Variants in PCDHA9 observed in about 807,000 individuals in gnomAD.
PCDHA9 encodes protocadherin alpha 9.
Under a neutral mutation model 62.0 loss-of-function variants are expected in PCDHA9, and 62 were observed. The observed-to-expected ratio is 1.00, with a 90% CI of 0.81 to 1.23. PCDHA9 has a LOEUF of 1.23. Among genes scored for constraint, PCDHA9 ranks in the 50% most tolerant of loss-of-function variants. PCDHA9 has a pLI of 0.00. For missense variants in PCDHA9, 1,205 were observed against 1,249.8 expected, an observed-to-expected ratio of 0.96 and a Z score of 0.54; for synonymous variants, 557 against 567.6, an observed-to-expected ratio of 0.98 and a Z score of 0.27.
chr5:140,993,266 T>G (rs1049781348), intron 3 of PCDHA9, among the ~76,000 whole-genome samples: 1 of 152,182 alleles, frequency 6.6e-6, no homozygotes, highest in Non-Finnish European at 1.5e-5. Flanking sequence ...AATTAGCTTC[T>G]TTGGTCTTTT....
chr5:140,870,581 T>C, intron 1 of PCDHA9: 1 of 1,613,826 alleles, frequency 6.2e-7, no homozygotes, highest in Non-Finnish European at 8.5e-7. Context: ...TCCTACTCGC[T>C]GGTGGAGCGG....
intron 1 of PCDHA9, chr5:140,883,308 C>A: frequency 6.2e-7 from 1 of 1,614,102 alleles, no homozygotes; most frequent in Non-Finnish European, 8.5e-7. Context: ...AATGATAACG[C>A]CCCAGAGGTT....
intron 2 of PCDHA9, among the ~76,000 whole-genome samples, chr5:140,981,681 C>T (rs1187108666): frequency 6.6e-6 from 1 of 152,064 alleles, no homozygotes; most frequent in Non-Finnish European, 1.5e-5. Context: ...TTCCTTCCTC[C>T]CTTCCATCAT....
At chr5:140,856,393 T>A in intron 1 of PCDHA9, 1 of 1,598,412 alleles carries the variant, frequency 6.3e-7, no homozygotes, top group African/African-American at 1.3e-5. Flanking sequence ...CGCTGCAGGT[T>A]TTCCATGTGG....
Position 140,849,731 on chromosome 5 carries a change from T to C in PCDHA9, c.1236T>C (p.Ala412=), listed in dbSNP as rs2150447251. 21,072 of 1,598,236 alleles carry C rather than the reference T, an allele frequency of 0.013. 2,656 individuals are homozygous for C. In the African/African-American group the frequency reaches 0.2, roughly 15 times the overall value. ...ACTACTCGTTGGTGCTGGACAGAGC[T>C]CTGGACCGCGAGAGTGTGTCCGCCT... is the stretch of plus-strand genomic sequence containing the variant. ...KNYYSLVLDR[A]LDRESVSAYE... is the part of the protein sequence containing the mutation. The change falls in exon 1 of 4, where the codon GCT becomes GCC. Residue 412 remains alanine (A), a synonymous_variant. Transcript: ENST00000532602.
At chr5:141,005,192 TTTCA>T (rs1554259924) in intron 3 of PCDHA9, among the ~76,000 whole-genome samples, 1 of 152,220 alleles carries the variant, frequency 6.6e-6, no homozygotes, top group African/African-American at 2.4e-5. Context: ...ACATCAGTCC[TTTCA>T]TTCATTCATC....
Position 140,850,119 on chromosome 5 carries a change from G to T in PCDHA9, c.1624G>T (p.Val542Leu), listed in dbSNP as rs2150468632. The change falls in exon 1 of 4, where the codon GTG becomes TTG. Residue 542 changes from valine (V) to leucine (L), a missense_variant. Around this residue, in one of 3 missense-constraint regions of PCDHA9, gnomAD observed 887 missense variants for 809.5 expected, o/e 1.10. Coordinates refer to ENST00000532602, the MANE Select transcript of PCDHA9 (RefSeq NM_031857.2). ...QFQVSARDAGVPPLGSNVTLQ... is the reference protein window; with the variant it reads ...QFQVSARDAGLPPLGSNVTLQ... ...CCAGGTGAGCGCGCGCGACGCGGGC[G>T]TGCCGCCTCTGGGCAGCAACGTGAC... is the stretch of plus-strand genomic sequence containing the variant. The T allele has an allele frequency of 1.1e-5, 17 of 1,596,076 alleles. No homozygotes were observed. The Admixed American group carries it at 1.9e-4, about 17-fold the overall frequency.
chr5:140,877,195 G>A, intron 1 of PCDHA9: 2 of 1,613,838 alleles, frequency 1.2e-6, no homozygotes, highest in East Asian at 2.2e-5. Context: ...CAGCGCAGGA[G>A]GCGCAGTTAG....
At chr5:140,965,716 C>T (rs75761543) in intron 1 of PCDHA9, among the ~76,000 whole-genome samples, 2,507 of 152,272 alleles carry the variant, frequency 0.016, 70 homozygotes, top group African/African-American at 0.056. Flanking sequence ...AGAAGAATCT[C>T]TTTAAAAATT....
intron 1 of PCDHA9, among the ~76,000 whole-genome samples, chr5:140,895,800 T>C (rs1352398048): frequency 6.6e-6 from 1 of 152,182 alleles, no homozygotes; most frequent in Non-Finnish European, 1.5e-5. Context: ...ATATGTACAA[T>C]ACTGTATTGT....
chr5:140,894,197 A>C (rs1378272032), intron 1 of PCDHA9, among the ~76,000 whole-genome samples: 1 of 152,008 alleles, frequency 6.6e-6, no homozygotes, highest in Non-Finnish European at 1.5e-5. Context: ...TATTTTTTCT[A>C]TGCTATTATA....
rs1197189729 is a variant in PCDHA9, at chr5:141,011,926, G to A, written c.*1989G>A. On this transcript the variant is annotated 3_prime_UTR_variant, in exon 4 of 4. Transcript: ENST00000532602. ...TTAGGCATTAATATAAAAGAGGTAG[G>A]AGTCTGTTATTTAAAAAAAGCATTA... 1 of 153,498 alleles carries A rather than the reference G, an allele frequency of 6.5e-6. No individual in the cohort carries two copies. Among genetic ancestry groups the A allele is most frequent in the African/African-American group, 2.4e-5 (1 of 41,380 alleles). 9.5% of individuals were successfully genotyped at this position (153,498 alleles called of 1,614,324 possible).
rs2041332150 is a variant in PCDHA9, at chr5:140,850,080, G to T, written c.1585G>T (p.Glu529Ter). 56 of 1,596,464 alleles carry T rather than the reference G, an allele frequency of 3.5e-5. 4 individuals are homozygous for T. Among genetic ancestry groups the T allele is most frequent in the Non-Finnish European group, 4.6e-5 (54 of 1,167,848 alleles). ...ALQPLDHEEL[E>*]LLQFQVSARD... ...GCAGCCGTTGGACCACGAGGAGCTG[G>T]AGCTGCTACAGTTCCAGGTGAGCGC... The change falls in exon 1 of 4, where the codon GAG becomes TAG. Residue 529 changes from glutamate to a stop codon, truncating the protein, a stop_gained. Coordinates refer to ENST00000532602, the MANE Select transcript of PCDHA9 (RefSeq NM_031857.2). LOFTEE classifies it high-confidence loss of function.
intron 1 of PCDHA9, among the ~76,000 whole-genome samples, chr5:140,923,882 G>A (rs1261780966): frequency 6.6e-6 from 1 of 152,192 alleles, no homozygotes; most frequent in Non-Finnish European, 1.5e-5. Context: ...AGAAGCGTGT[G>A]AAAGAGGAGG....
At position 140,928,790 on chromosome 5, in the gene PCDHA9, G is replaced by T. The variant is rs370207805; in HGVS notation, c.2395-50159G>T. The T allele has an allele frequency of 9.3e-6, 15 of 1,614,058 alleles. No homozygotes were observed. Among genetic ancestry groups the T allele is most frequent in the Non-Finnish European group, 1.2e-5 (14 of 1,180,044 alleles). On this transcript the variant is annotated intron_variant, in intron 1 of 3. Coordinates refer to ENST00000532602, the MANE Select transcript of PCDHA9 (RefSeq NM_031857.2). The stretch of plus-strand genomic sequence containing the variant: ...CTTCCCACTGATGCAGTTAAGCAGA[G>T]GGTGGTGGTAGTGGTTCGGGACCAT...
chr5:140,856,138 C>T (rs1463600919), intron 1 of PCDHA9: 4 of 1,598,158 alleles, frequency 2.5e-6, no homozygotes, highest in East Asian at 4.5e-5. Flanking sequence ...GCGGCCAGCT[C>T]CACTACTCAG....
intron 1 of PCDHA9, among the ~76,000 whole-genome samples, chr5:140,908,920 C>A (rs782461394): frequency 6.6e-5 from 10 of 152,180 alleles, no homozygotes; most frequent in Admixed American, 1.3e-4. Flanking sequence ...GTAGGAGGGG[C>A]CAAATGCAGC....
intron 1 of PCDHA9, chr5:140,882,431 G>A (rs374040153): frequency 1.2e-6 from 2 of 1,614,044 alleles, no homozygotes; most frequent in Non-Finnish European, 8.5e-7. Flanking sequence ...CCTGGGGCTG[G>A]AGCTGGCGGA....
chr5:140,899,752 A>G lies in PCDHA9; in HGVS notation c.2394+48863A>G, dbSNP rs190521600. On this transcript the variant is annotated intron_variant, in intron 1 of 3. Transcript: ENST00000532602. ...ATTGATTGGAATAGTTTCAGAAGGA[A>G]TGGTACCAGTTCCTCCTTTTACCTC... Among the ~76,000 whole-genome samples the G allele has an allele frequency of 4.0e-4, 61 of 152,320 alleles. No homozygotes were observed. The East Asian group carries it at 8.7e-3, about 22-fold the overall frequency.
Sources: gnomAD v4.1 joint callset for allele counts (sites outside exome capture counted in the v4.1 genomes callset) on GRCh38, gnomAD v4.1.1 for gene constraint, gnomAD v4.1.1 regional missense constraint, MANE v1.5 for transcripts, NCBI Gene and HGNC (gene_info 2026-07-23, HGNC 2026-07-21) for gene names.